The following PRIM2 variants were observed in gnomAD, a reference collection of about 807,000 sequenced individuals.
PRIM2 encodes the protein DNA primase subunit 2, also known as DNA primase large subunit.
PRIM2 carries 39 observed loss-of-function variants against 67.3 expected under a neutral mutation model. That is an observed-to-expected ratio of 0.58 (90% CI 0.45 to 0.76). PRIM2 has a LOEUF of 0.76. PRIM2 is among the 30% of genes least tolerant of loss of function. PRIM2 has a pLI of 0.00. For missense variants in PRIM2, 398 were observed against 598.7 expected (o/e 0.66, Z 3.50); for synonymous variants, 143 against 198.7 (o/e 0.72, Z 2.36).
At chr6:57,444,733 A>G (rs1772313607) in intron 7 of PRIM2, among the ~76,000 whole-genome samples, 1 of 152,174 alleles carries the variant, frequency 6.6e-6, no homozygotes, top group Non-Finnish European at 1.5e-5. Context: ...TGACTGATAT[A>G]TTTACGAAGG....
At chr6:57,558,696 A>ACGT (rs1775567883) in intron 10 of PRIM2, among the ~76,000 whole-genome samples, 1 of 152,058 alleles carries the variant, frequency 6.6e-6, no homozygotes, top group Non-Finnish European at 1.5e-5. Flanking sequence ...TATATATGGC[A>ACGT]GTTCCTTGAT....
At position 57,514,130 on chromosome 6, in the gene PRIM2, A is replaced by G. The variant is rs1222738129; in HGVS notation, c.761+6676A>G. On this transcript the variant is annotated intron_variant, in intron 8 of 13. Transcript: ENST00000615550. ...ATAAAGGCATCTTCCTTCAGTTGGT[A>G]TTATTACTAGTTTTGTAAAATTCCT... 9.8e-5 allele frequency among the ~76,000 whole-genome samples: 15 copies of G among 152,294 alleles called. No homozygotes were observed. In the South Asian group the frequency reaches 1.4e-3, roughly 15 times the overall value.
At chr6:57,457,277 C>T (rs989972165) in intron 7 of PRIM2, among the ~76,000 whole-genome samples, 1 of 152,194 alleles carries the variant, frequency 6.6e-6, no homozygotes, top group Non-Finnish European at 1.5e-5. Context: ...CTCAGATCTC[C>T]AGCTGCGTGC....
At chr6:57,464,355 T>G (rs2397315) in intron 7 of PRIM2, among the ~76,000 whole-genome samples, 2 of 151,880 alleles carry the variant, frequency 1.3e-5, no homozygotes, top group Non-Finnish European at 1.5e-5. Context: ...TCAGCTCACT[T>G]CAACCTCCGT....
chr6:57,405,183 T>C (rs1359294424), intron 7 of PRIM2, among the ~76,000 whole-genome samples: 1 of 152,282 alleles, frequency 6.6e-6, no homozygotes, highest in African/African-American at 2.4e-5. Flanking sequence ...TACTTGTAAA[T>C]TCAGTTCTTT....
At chr6:57,495,993 G>T (rs1349052803) in intron 7 of PRIM2, among the ~76,000 whole-genome samples, 28 of 152,012 alleles carry the variant, frequency 1.8e-4, no homozygotes, top group Non-Finnish European at 1.3e-4. Context: ...CAGTCCTCTT[G>T]CCTGGGCCTC....
At chr6:57,609,147 T>A (rs1185066807) in intron 12 of PRIM2, among the ~76,000 whole-genome samples, 3 of 152,188 alleles carry the variant, frequency 2.0e-5, no homozygotes, top group Non-Finnish European at 2.9e-5. Flanking sequence ...ATGAGGTGGA[T>A]CCTAGAGTAT....
the PRIM2 span, among the ~76,000 whole-genome samples, chr6:57,242,064 G>C: frequency 6.6e-6 from 1 of 152,010 alleles, no homozygotes; most frequent in African/African-American, 2.4e-5. Context: ...ACTGATAAAG[G>C]CTCACTATTA....
intron 7 of PRIM2, among the ~76,000 whole-genome samples, chr6:57,393,608 G>T (rs956660035): frequency 7.9e-5 from 12 of 152,080 alleles, no homozygotes; most frequent in African/African-American, 1.2e-4. Flanking sequence ...CCACTCTGTG[G>T]GTTGTCTGTT....
intron 7 of PRIM2, among the ~76,000 whole-genome samples, chr6:57,440,786 G>A (rs1218716786): frequency 1.9e-4 from 29 of 152,286 alleles, no homozygotes; most frequent in Admixed American, 1.9e-3. Flanking sequence ...CAGGAGTCTT[G>A]TTCTCTGTGA....
At chr6:57,233,916 G>T in the PRIM2 span, among the ~76,000 whole-genome samples, 2 of 152,052 alleles carry the variant, frequency 1.3e-5, no homozygotes, top group Non-Finnish European at 2.9e-5. Flanking sequence ...TCCCGCCTTG[G>T]CCTCCCAAAG....
At chr6:57,614,936 TAAA>T (rs1407235651) in intron 12 of PRIM2, among the ~76,000 whole-genome samples, 1 of 152,196 alleles carries the variant, frequency 6.6e-6, no homozygotes, top group Non-Finnish European at 1.5e-5. Context: ...GGCAGTGAGT[TAAA>T]AAATCCTTTC....
At chr6:57,255,685 T>G in the PRIM2 span, among the ~76,000 whole-genome samples, 2 of 152,152 alleles carry the variant, frequency 1.3e-5, no homozygotes, top group African/African-American at 4.8e-5. Flanking sequence ...ATGTCCCATT[T>G]AAATCATAAG....
At chr6:57,318,407 T>C (rs1364833733) in intron 1 of PRIM2, 30 bp from the exon 2 acceptor site, 35 of 1,548,840 alleles carry the variant, frequency 2.3e-5, no homozygotes, top group Non-Finnish European at 2.8e-5. Flanking sequence ...TTTTCCATCA[T>C]TTTACGCTTT....
intron 8 of PRIM2, among the ~76,000 whole-genome samples, chr6:57,528,793 A>G (rs1774820548): frequency 6.6e-6 from 1 of 152,130 alleles, no homozygotes. Flanking sequence ...CTCTCTTACA[A>G]TCCTGTTATT....
the PRIM2 span, among the ~76,000 whole-genome samples, chr6:57,255,991 T>C: frequency 1.3e-4 from 20 of 151,374 alleles, no homozygotes; most frequent in African/African-American, 3.9e-4. Context: ...AACAAATTTT[T>C]AAAAGCAATT....
chr6:57,597,788 C>T (rs1473024386), intron 10 of PRIM2, among the ~76,000 whole-genome samples: 113 of 150,534 alleles, frequency 7.5e-4, no homozygotes, highest in African/African-American at 2.4e-3. Flanking sequence ...AAGTGTCTTG[C>T]GGTCACTTAA....
At chr6:57,575,771 C>T (rs1346324250) in intron 10 of PRIM2, among the ~76,000 whole-genome samples, 7 of 151,882 alleles carry the variant, frequency 4.6e-5, no homozygotes, top group Admixed American at 1.3e-4. Context: ...ATTAAATTGT[C>T]TGTTTTTGTT....
At chr6:57,235,311 A>G in the PRIM2 span, among the ~76,000 whole-genome samples, 2 of 152,116 alleles carry the variant, frequency 1.3e-5, no homozygotes. Flanking sequence ...AAAAATGCAA[A>G]AAATTAGCCA....
Sources: allele counts gnomAD v4.1 joint callset (sites outside exome capture counted in the v4.1 genomes callset), GRCh38; gene constraint gnomAD v4.1.1; transcripts MANE v1.5; gene names NCBI Gene and HGNC (gene_info 2026-07-23, HGNC 2026-07-21).